The following EIF4ENIF1 variants were observed in gnomAD, a reference collection of about 807,000 sequenced individuals.
EIF4ENIF1 encodes eukaryotic translation initiation factor 4E nuclear import factor 1, also known as eukaryotic translation initiation factor 4E transporter.
EIF4ENIF1 carries 23 observed loss-of-function variants against 110.5 expected under a neutral mutation model. That is an observed-to-expected ratio of 0.21 (90% CI 0.15 to 0.29). EIF4ENIF1 has a LOEUF of 0.29. Among genes scored for constraint, EIF4ENIF1 ranks in the 10% least tolerant of loss-of-function variants. EIF4ENIF1 has a pLI of 1.00. For synonymous variants in EIF4ENIF1, 440 were observed against 437.0 expected (o/e 1.01, Z -0.09); for missense variants, 1,031 against 1,221.1 (o/e 0.84, Z 2.32).
At chr22:31,460,428 T>C (rs1244500009) in intron 6 of EIF4ENIF1, among the ~76,000 whole-genome samples, 4 of 151,634 alleles carry the variant, frequency 2.6e-5, no homozygotes, top group African/African-American at 7.3e-5. Context: ...GGTCAGGAGA[T>C]TGAGACCATC....
intron 14 of EIF4ENIF1, among the ~76,000 whole-genome samples, chr22:31,445,256 G>T (rs922025562): frequency 2.0e-5 from 3 of 152,034 alleles, no homozygotes; most frequent in African/African-American, 7.2e-5. Flanking sequence ...ACAGTGCCTG[G>T]CACAGAACTG....
rs540733445 is a variant in EIF4ENIF1 at position 31,465,862 on chromosome 22, G to A, written c.299-1895C>T. Among the ~76,000 whole-genome samples, 9 of 152,174 alleles carry A rather than the reference G, an allele frequency of 5.9e-5. No homozygotes were observed. The East Asian group carries it at 1.2e-3, about 20-fold the overall frequency. On this transcript the variant is annotated intron_variant, in intron 4 of 18. Coordinates refer to ENST00000330125, the MANE Select transcript of EIF4ENIF1 (RefSeq NM_019843.4). ...AAATAAACTAGACACTCAACAACGT[G>A]GATAAATCGTAACTATTCTTAATGA...
intron 16 of EIF4ENIF1, among the ~76,000 whole-genome samples, chr22:31,442,338 T>C (rs944147029): frequency 6.6e-6 from 1 of 152,174 alleles, no homozygotes; most frequent in African/African-American, 2.4e-5. Context: ...GTGGCCTAGA[T>C]TATGCAAATC....
At chr22:31,488,499 T>A in intron 2 of EIF4ENIF1, 124 bp downstream of exon 2, 1 of 1,365,442 alleles carries the variant, frequency 7.3e-7, no homozygotes, top group Non-Finnish European at 1.0e-6. Context: ...CTAAATTTAG[T>A]TAATATTTAG....
At chr22:31,477,937 G>A (rs2051652035) in intron 2 of EIF4ENIF1, among the ~76,000 whole-genome samples, 1 of 152,192 alleles carries the variant, frequency 6.6e-6, no homozygotes, top group Non-Finnish European at 1.5e-5. Flanking sequence ...AAACCATATG[G>A]AAAATGATGC....
Position 31,463,892 on chromosome 22 carries a change from C to T in EIF4ENIF1, c.374G>A (p.Cys125Tyr). ...GGAGCTAACAGCGGCTGTCACGTGG[C>T]AGCCCCCTCCAAAGCTCCGTCTCTG... ...SPQRRSFGGGCHVTAAVSSRR... is the reference protein window; with the variant it reads ...SPQRRSFGGGYHVTAAVSSRR... The change falls in exon 5 of 19, where the codon TGC becomes TAC. Residue 125 changes from cysteine to tyrosine, a missense_variant. This residue lies in a region of EIF4ENIF1 where 704 missense variants were observed against 879.7 expected (regional missense o/e 0.80). Coordinates refer to ENST00000330125, the MANE Select transcript of EIF4ENIF1 (RefSeq NM_019843.4). 1 of 1,614,194 alleles carries T rather than the reference C, an allele frequency of 6.2e-7. No individual in the cohort carries two copies. The highest frequency in any genetic ancestry group is 8.5e-7 in the Non-Finnish European group (1 of 1,180,044).
At position 31,444,702 on chromosome 22, in the gene EIF4ENIF1, C is replaced by A; in HGVS notation, c.1989-12G>T. 6.2e-7 allele frequency: 1 copy of A among 1,613,682 alleles called. No individual in the cohort carries two copies. The highest frequency in any genetic ancestry group is 8.5e-7 in the Non-Finnish European group (1 of 1,179,700). ...TCACTCGCTGTTGCCTGTGAACAAA[C>A]CAATTATCAGCATGAACCCCAATCT... On this transcript the variant is annotated splice_polypyrimidine_tract_variant and intron_variant, in intron 14 of 18. Coordinates refer to ENST00000330125, the MANE Select transcript of EIF4ENIF1 (RefSeq NM_019843.4).
upstream of EIF4ENIF1, among the ~76,000 whole-genome samples, chr22:31,491,524 T>G (rs769814497): frequency 3.3e-5 from 5 of 152,154 alleles, no homozygotes; most frequent in Non-Finnish European, 5.9e-5. Flanking sequence ...TACCTACTTT[T>G]TAGGCTTGCA....
At chr22:31,437,943 C>G (rs2050197099), downstream of EIF4ENIF1, 1 of 152,164 alleles carries the variant, frequency 6.6e-6, no homozygotes, top group Admixed American at 6.5e-5. Context: ...AGAAAAGTAC[C>G]AGGAAGAGAC....
intron 3 of EIF4ENIF1, among the ~76,000 whole-genome samples, chr22:31,468,541 CCCA>C (rs147692414): frequency 7.7e-4 from 117 of 152,226 alleles, no homozygotes; most frequent in Non-Finnish European, 1.5e-3. Flanking sequence ...ATTACAAGTG[CCCA>C]CCACCACATC....
Position 31,439,835 on chromosome 22 carries a change from G to T in EIF4ENIF1, c.*45C>A, listed in dbSNP as rs2050235822. On this transcript the variant is annotated 3_prime_UTR_variant, in exon 19 of 19. Transcript: ENST00000330125. ...CCGAGATGAAGCAGGGTCCTGCCCA[G>T]TGTGCCACCACAGGTCCGGGCTTAG... 2 of 1,601,654 alleles carry T rather than the reference G, an allele frequency of 1.2e-6. No homozygotes were observed. Among genetic ancestry groups the T allele is most frequent in the African/African-American group, 2.7e-5 (2 of 74,882 alleles).
rs1292888286 is a variant in EIF4ENIF1, at chr22:31,472,909, G to C, written c.97-992C>G. Among the ~76,000 whole-genome samples the C allele has an allele frequency of 2.6e-5, 4 of 151,982 alleles. 1 individual carries two copies. On this transcript the variant is annotated intron_variant, in intron 2 of 18. Transcript: ENST00000330125. ...CACTCTGCTCTGCTATCAAACATTAGAATTTACTCCTTCAACTGCATGTTT... is the reference window on the plus strand; with the variant it reads ...CACTCTGCTCTGCTATCAAACATTACAATTTACTCCTTCAACTGCATGTTT...
intron 1 of EIF4ENIF1, 102 bp from the exon 2 acceptor site, chr22:31,488,847 C>G: frequency 1.5e-6 from 2 of 1,371,126 alleles, no homozygotes; most frequent in African/African-American, 2.9e-5. Context: ...CTCAAAACAG[C>G]TAGTGTTAAA....
At chr22:31,438,034 G>A (rs1256408317), downstream of EIF4ENIF1, among the ~76,000 whole-genome samples, 2 of 152,158 alleles carry the variant, frequency 1.3e-5, no homozygotes, top group Admixed American at 6.5e-5. Flanking sequence ...ACACGGCAGG[G>A]TGGGCAGTTC....
At position 31,457,836 on chromosome 22, in the gene EIF4ENIF1, G is replaced by A. The variant is rs567227281; in HGVS notation, c.963+639C>T. ...GCTGACTTTTAAGTGCACTAATTTT[G>A]TATTAATTAAAATATAAGATAAGCA... On this transcript the variant is annotated intron_variant, in intron 7 of 18. Coordinates refer to ENST00000330125, the MANE Select transcript of EIF4ENIF1 (RefSeq NM_019843.4). Among the ~76,000 whole-genome samples the A allele has an allele frequency of 1.3e-4, 20 of 152,232 alleles. No homozygotes were observed. In the South Asian group the frequency reaches 3.9e-3, roughly 30 times the overall value.
At chr22:31,490,663 CAG>C (rs1378418879), upstream of EIF4ENIF1, among the ~76,000 whole-genome samples, 1 of 152,158 alleles carries the variant, frequency 6.6e-6, no homozygotes, top group African/African-American at 2.4e-5. Flanking sequence ...CCACGTAGTG[CAG>C]ACTCAGGCTG....
At chr22:31,488,815 A>T in intron 1 of EIF4ENIF1, 70 bp from the exon 2 acceptor site, 1 of 1,494,376 alleles carries the variant, frequency 6.7e-7, no homozygotes, top group Non-Finnish European at 8.9e-7. Context: ...CTGTTTCTTC[A>T]GAAGCTGAAA....
intron 9 of EIF4ENIF1, 110 bp from the exon 10 acceptor site, chr22:31,454,486 T>C (rs1191282424): frequency 1.1e-6 from 1 of 920,450 alleles, no homozygotes; most frequent in African/African-American, 1.7e-5. Context: ...AAAATTGAGA[T>C]GAGACTGTCA....
downstream of EIF4ENIF1, among the ~76,000 whole-genome samples, chr22:31,438,053 T>C (rs554342704): frequency 2.8e-4 from 42 of 152,342 alleles, no homozygotes; most frequent in African/African-American, 9.6e-4. Flanking sequence ...TCCAGGCTTA[T>C]AGTCATTATT....
Sources: gnomAD v4.1 joint callset for allele counts (sites outside exome capture counted in the v4.1 genomes callset) on GRCh38, gnomAD v4.1.1 for gene constraint, gnomAD v4.1.1 regional missense constraint, MANE v1.5 for transcripts, NCBI Gene and HGNC (gene_info 2026-07-23, HGNC 2026-07-21) for gene names.